Variants in LAMB1 observed in about 807,000 individuals in gnomAD.
The protein encoded by LAMB1 is laminin subunit beta-1.
In LAMB1, 121 loss-of-function variants were observed where a neutral mutation model predicts 222.3. The observed-to-expected ratio is 0.54, with a 90% confidence interval of 0.47 to 0.63. The LOEUF is 0.63. Among genes scored for constraint, LAMB1 ranks in the 30% least tolerant of loss-of-function variants. The pLI, the probability that LAMB1 is intolerant of heterozygous loss-of-function variation, is 0.00. For missense variants in LAMB1, 2,172 were observed against 2,240.8 expected (o/e 0.97, Z 0.62); for synonymous variants, 794 against 807.2 (o/e 0.98, Z 0.28).
chr7:107,987,865 G>C (rs941393462), intron 5 of LAMB1, among the ~76,000 whole-genome samples: 3 of 152,164 alleles, frequency 2.0e-5, no homozygotes, highest in Non-Finnish European at 4.4e-5. Flanking sequence ...GGCTGCACGT[G>C]GCAGAAGAGG....
intron 2 of LAMB1, chr7:108,002,216 T>C (rs2034403740): frequency 7.4e-7 from 1 of 1,344,784 alleles, no homozygotes; most frequent in Admixed American, 2.2e-5. Flanking sequence ...GAAGCGAGAG[T>C]GCGTGTGCGT....
intron 30 of LAMB1, 69 bp from the exon 31 acceptor site, chr7:107,929,274 T>A: frequency 1.3e-6 from 2 of 1,570,198 alleles, no homozygotes; most frequent in Non-Finnish European, 8.8e-7. Context: ...TGTTCTTTTC[T>A]TTAAAGAATA....
chr7:107,985,603 TG>T (rs1280953341), intron 7 of LAMB1, among the ~76,000 whole-genome samples: 2 of 151,690 alleles, frequency 1.3e-5, no homozygotes, highest in Non-Finnish European at 2.9e-5. Flanking sequence ...CACTCCAGCC[TG>T]GGCAATAAGA....
chr7:107,959,325 G>A lies in LAMB1; in HGVS notation c.2614C>T (p.His872Tyr). 2 of 1,614,236 alleles carry A rather than the reference G, an allele frequency of 1.2e-6. No homozygotes were observed. Among genetic ancestry groups the A allele is most frequent in the East Asian group, 2.2e-5 (1 of 44,890 alleles). The change falls in exon 20 of 34, where the codon CAC becomes TAC. Residue 872 changes from histidine to tyrosine, a missense_variant. Coordinates refer to ENST00000222399, the MANE Select transcript of LAMB1 (RefSeq NM_002291.3). ...PSCQPCQCNG[H>Y]ADDCDPVTGE... ...GTCACTGGGTCGCAGTCATCGGCGT[G>A]GCCATTGCACTGGCAGGGCTGGCAA...
In LAMB1 at chr7:107,929,000, G is replaced by A. The variant is rs1020424501; in HGVS notation, c.4887+64C>T. The A allele has an allele frequency of 2.7e-6, 4 of 1,458,678 alleles. No homozygotes were observed. In the East Asian group the frequency reaches 6.8e-5, roughly 25 times the overall value. The allele number at this position is 1,458,678 out of a possible 1,614,324, so 90.4% of individuals were successfully genotyped here. ...GAATTTCTGTTCATAGATAACAAATGTACTTTTCTGGTAAGTGTATATGTA... is the reference window on the plus strand; with the variant it reads ...GAATTTCTGTTCATAGATAACAAATATACTTTTCTGGTAAGTGTATATGTA... On this transcript the variant is annotated intron_variant, in intron 31 of 33. Transcript: ENST00000222399.
chr7:107,986,223 T>C lies in LAMB1; in HGVS notation c.564A>G (p.Ile188Met). 5 of 1,614,174 alleles carry C rather than the reference T, an allele frequency of 3.1e-6. No individual in the cohort carries two copies. The highest frequency in any genetic ancestry group is 1.3e-5 in the African/African-American group (1 of 75,042). Residue 188 changes from isoleucine (I) to methionine (M), a missense_variant, in exon 6 of 34, where the codon ATA becomes ATG. Transcript: ENST00000222399. Reference sequence around the variant, plus strand: ...TGTCAGAATATCGAGAATCACAAATTATGTCATCGACTTTTTTCATGGGGC... The same window carrying C: ...TGTCAGAATATCGAGAATCACAAATCATGTCATCGACTTTTTTCATGGGGC... ...STGPMKKVDD[I>M]ICDSRYSDIE...
At chr7:107,980,462 A>G (rs2033949807) in intron 8 of LAMB1, 147 bp downstream of exon 8, 1 of 617,594 alleles carries the variant, frequency 1.6e-6, no homozygotes, top group Non-Finnish European at 2.8e-6. Flanking sequence ...ATCAACAATC[A>G]GCTACCTGTA....
At position 107,998,384 on chromosome 7, in the gene LAMB1, G is replaced by A. The variant is rs767009398; in HGVS notation, c.322C>T (p.Leu108Phe). ...TTTTCAGATTGCCACCAAATCTTAAGGCGGTTTGGAGCAAATGTAGTGACC... is the reference window on the plus strand; with the variant it reads ...TTTTCAGATTGCCACCAAATCTTAAAGCGGTTTGGAGCAAATGTAGTGACC... ...NVVTTFAPNR[L>F]KIWWQSENGV... The change falls in exon 4 of 34, where the codon CTT (leucine) becomes TTT (phenylalanine). Residue 108 changes from leucine (L) to phenylalanine (F), a missense_variant. Physicochemically the swap from Leu to Phe is conservative, Grantham distance 22. Transcript: ENST00000222399. The A allele has an allele frequency of 6.2e-7, 1 of 1,614,086 alleles. No individual in the cohort carries two copies. Among genetic ancestry groups the A allele is most frequent in the Admixed American group, 1.7e-5 (1 of 60,010 alleles).
intron 8 of LAMB1, 125 bp downstream of exon 8, chr7:107,980,484 G>T (rs2033950407): frequency 1.4e-6 from 1 of 732,790 alleles, no homozygotes; most frequent in African/African-American, 1.7e-5. Flanking sequence ...GGTGCAAAGG[G>T]CTAAATGTAA....
chr7:107,967,207 G>C (rs1044929056), intron 13 of LAMB1, among the ~76,000 whole-genome samples: 2 of 152,142 alleles, frequency 1.3e-5, no homozygotes, highest in South Asian at 2.1e-4. Context: ...TCATGGTATA[G>C]GTGAGACATC....
chr7:107,960,460 G>T lies in LAMB1; in HGVS notation c.2299C>A (p.His767Asn), dbSNP rs2033473521. The T allele has an allele frequency of 1.2e-6, 2 of 1,613,714 alleles. No homozygotes were observed. Among genetic ancestry groups the T allele is most frequent in the Non-Finnish European group, 1.7e-6 (2 of 1,179,642 alleles). The change falls in exon 18 of 34, where the codon CAC (histidine) becomes AAC (asparagine). Residue 767 changes from histidine to asparagine, a missense_variant. Coordinates refer to ENST00000222399, the MANE Select transcript of LAMB1 (RefSeq NM_002291.3). ...NIIFSISALL[H>N]QTGLACECDP... ...CAATACCTACCCAGGCCTGTCTGGT[G>T]TAACAGGGCAGAAATGCTAAAGATG... is the stretch of plus-strand genomic sequence containing the variant.
At chr7:107,951,415 G>T in intron 23 of LAMB1, 93 bp from the exon 24 acceptor site, 3 of 1,130,560 alleles carry the variant, frequency 2.7e-6, no homozygotes, top group African/African-American at 1.5e-5. Context: ...AAGTAGGAAT[G>T]AACTGTTTAC....
chr7:107,951,120 A>G (rs781260426), intron 24 of LAMB1, 106 bp downstream of exon 24: 16 of 755,050 alleles, frequency 2.1e-5, no homozygotes, highest in Non-Finnish European at 3.3e-5. Flanking sequence ...AGGTTCTTAT[A>G]GACACGTTAA....
Position 107,959,839 on chromosome 7 carries a change from G to C in LAMB1, c.2315-5C>G. 1.2e-6 allele frequency: 2 copies of C among 1,611,488 alleles called. No homozygotes were observed. The highest frequency in any genetic ancestry group is 1.7e-6 in the Non-Finnish European group (2 of 1,178,618). On this transcript the variant is annotated splice_polypyrimidine_tract_variant and splice_region_variant and intron_variant, in intron 18 of 33. Coordinates refer to ENST00000222399, the MANE Select transcript of LAMB1 (RefSeq NM_002291.3). ...CCTGAGGGTCGCATTCACAAGCTGT[G>C]GGTAAAGAGAGGCCAGAACCCATGA... is the stretch of plus-strand genomic sequence containing the variant.
chr7:107,996,630 A>T (rs890978004), intron 4 of LAMB1, among the ~76,000 whole-genome samples: 12 of 152,208 alleles, frequency 7.9e-5, no homozygotes, highest in African/African-American at 2.9e-4. Context: ...CTTGTGACAG[A>T]GTGACAGAGA....
intron 24 of LAMB1, among the ~76,000 whole-genome samples, chr7:107,949,181 G>T (rs2033189568): frequency 6.6e-6 from 1 of 152,172 alleles, no homozygotes; most frequent in African/African-American, 2.4e-5. Context: ...AGTTGACAAG[G>T]TTTCTATAAG....
intron 5 of LAMB1, among the ~76,000 whole-genome samples, chr7:107,992,055 C>A (rs1463746586): frequency 6.6e-6 from 1 of 152,144 alleles, no homozygotes; most frequent in Admixed American, 6.6e-5. Flanking sequence ...TCTCTCACTA[C>A]CCCAAACTCG....
intron 24 of LAMB1, among the ~76,000 whole-genome samples, chr7:107,950,022 G>C (rs1470158171): frequency 6.6e-6 from 1 of 152,164 alleles, no homozygotes; most frequent in East Asian, 1.9e-4. Flanking sequence ...ATGAGGTCAG[G>C]AGTTTGAGAC....
At chr7:107,940,562 A>G in intron 24 of LAMB1, 1 of 578,928 alleles carries the variant, frequency 1.7e-6, no homozygotes, top group South Asian at 2.2e-5. Flanking sequence ...TCTTAGCAGT[A>G]ATAATACTTT....
Sources: gnomAD v4.1 joint callset for allele counts (sites outside exome capture counted in the v4.1 genomes callset) on GRCh38, gnomAD v4.1.1 for gene constraint, MANE v1.5 for transcripts, NCBI Gene and HGNC (gene_info 2026-07-23, HGNC 2026-07-21) for gene names.